GRIK4: variants seen among roughly 807,000 people sequenced by gnomAD.
GRIK4 encodes the protein glutamate receptor ionotropic, kainate 4.
A neutral mutation model predicts 104.9 loss-of-function variants in GRIK4; 40 were observed. That is an observed-to-expected ratio of 0.38 (90% CI 0.30 to 0.50). The LOEUF (loss-of-function observed/expected upper bound fraction) is 0.50, where lower values mean the gene tolerates loss of function less well. Ranked by LOEUF, GRIK4 falls within the 20% of genes least tolerant of loss-of-function variation. The pLI is 0.93. For synonymous variants in GRIK4, 485 were observed against 524.9 expected, an observed-to-expected ratio of 0.92 and a Z score of 1.04; for missense variants, 1,047 against 1,308.1, an observed-to-expected ratio of 0.80 and a Z score of 3.08.
At chr11:120,614,100 C>T (rs903966017) in intron 1 of GRIK4, among the ~76,000 whole-genome samples, 5 of 152,190 alleles carry the variant, frequency 3.3e-5, no homozygotes, top group Admixed American at 6.5e-5. Flanking sequence ...ACCTTCCCTG[C>T]AGGCAGTGAT....
intron 1 of GRIK4, among the ~76,000 whole-genome samples, chr11:120,564,114 C>G (rs1240546838): frequency 6.6e-6 from 1 of 152,176 alleles, no homozygotes; most frequent in Non-Finnish European, 1.5e-5. Flanking sequence ...AGGAAGGGCC[C>G]GGGCGCGCAG....
intron 1 of GRIK4, among the ~76,000 whole-genome samples, chr11:120,634,041 G>A (rs1371616080): frequency 6.6e-6 from 1 of 152,208 alleles, no homozygotes; most frequent in Non-Finnish European, 1.5e-5. Flanking sequence ...CTTATGAGCA[G>A]TGTAACGTTA....
intron 1 of GRIK4, among the ~76,000 whole-genome samples, chr11:120,648,284 C>T (rs561880238): frequency 2.0e-5 from 3 of 152,326 alleles, no homozygotes; most frequent in East Asian, 1.9e-4. Context: ...GGGCCCTAGA[C>T]GGGCTCTCTT....
At chr11:120,846,793 A>G (rs1215405052) in intron 8 of GRIK4, among the ~76,000 whole-genome samples, 1 of 152,176 alleles carries the variant, frequency 6.6e-6, no homozygotes, top group African/African-American at 2.4e-5. Context: ...TATTGAGTTT[A>G]TGGATTGGAT....
At chr11:120,595,577 C>A (rs1052070367) in intron 1 of GRIK4, among the ~76,000 whole-genome samples, 1 of 152,160 alleles carries the variant, frequency 6.6e-6, no homozygotes, top group African/African-American at 2.4e-5. Flanking sequence ...GCTTGATGAC[C>A]TCTCACAGTT....
At chr11:120,692,784 G>T (rs544808129) in intron 3 of GRIK4, among the ~76,000 whole-genome samples, 57 of 151,960 alleles carry the variant, frequency 3.8e-4, no homozygotes, top group Non-Finnish European at 7.4e-4. Flanking sequence ...CAGGCTGGAG[G>T]GCAGTGGTAT....
intron 1 of GRIK4, among the ~76,000 whole-genome samples, chr11:120,652,265 C>T (rs1256894487): frequency 6.6e-6 from 1 of 152,204 alleles, no homozygotes; most frequent in Non-Finnish European, 1.5e-5. Flanking sequence ...CCTTAGAGAT[C>T]ATCTAGTCTA....
At chr11:120,659,967 A>C (rs564422091) in intron 2 of GRIK4, among the ~76,000 whole-genome samples, 13 of 152,276 alleles carry the variant, frequency 8.5e-5, no homozygotes, top group African/African-American at 3.1e-4. Context: ...CCTGGCCTCA[A>C]GTGATCCACC....
In GRIK4 at chr11:120,834,585, G is replaced by A. The variant is rs542407039; in HGVS notation, c.691-2206G>A. On this transcript the variant is annotated intron_variant, in intron 7 of 20. Transcript: ENST00000527524. ...CTTCCCTCCAGGAGGGCACAACAGG[G>A]CCTCTCAGGGCCTCAGCAAGGATGG... Among the ~76,000 whole-genome samples the A allele has an allele frequency of 2.1e-5, 3 of 141,212 alleles. No individual in the cohort carries two copies. The East Asian group carries it at 6.9e-4, about 32-fold the overall frequency. 92.6% of individuals were successfully genotyped at this position (141,212 alleles called of 152,430 possible).
At chr11:120,585,569 C>T (rs1948651261) in intron 1 of GRIK4, among the ~76,000 whole-genome samples, 2 of 152,080 alleles carry the variant, frequency 1.3e-5, no homozygotes, top group African/African-American at 4.8e-5. Context: ...TTGATAAAGT[C>T]TAATTTATTA....
At chr11:120,608,452 C>G (rs1565571836) in intron 1 of GRIK4, among the ~76,000 whole-genome samples, 1 of 152,212 alleles carries the variant, frequency 6.6e-6, no homozygotes, top group Admixed American at 6.5e-5. Context: ...TGGCCACACT[C>G]TGTGTGTGTG....
At chr11:120,795,029 G>A (rs1952482902) in intron 3 of GRIK4, among the ~76,000 whole-genome samples, 1 of 152,080 alleles carries the variant, frequency 6.6e-6, no homozygotes, top group East Asian at 1.9e-4. Flanking sequence ...GGGTCAGCTG[G>A]GGAGCAGAGC....
chr11:120,973,054 G>A lies in GRIK4; in HGVS notation c.2395+5731G>A, dbSNP rs11218090. Among the ~76,000 whole-genome samples, 7 of 152,162 alleles carry A rather than the reference G, an allele frequency of 4.6e-5. No homozygotes were observed. The East Asian group carries it at 7.7e-4, about 17-fold the overall frequency. On this transcript the variant is annotated intron_variant, in intron 19 of 20. Transcript: ENST00000527524. The stretch of plus-strand genomic sequence containing the variant: ...CAACCGCAAACCTGAAATACATCCC[G>A]GGAAGAAGAGGGAATGGAGAAGACA...
chr11:120,617,408 C>T (rs73002644), intron 1 of GRIK4, among the ~76,000 whole-genome samples: 1 of 151,832 alleles, frequency 6.6e-6, no homozygotes. Flanking sequence ...GAGGCAGGAT[C>T]TAACTCTGTT....
intron 3 of GRIK4, among the ~76,000 whole-genome samples, chr11:120,746,389 AT>A (rs982178624): frequency 6.6e-6 from 1 of 152,104 alleles, no homozygotes; most frequent in African/African-American, 2.4e-5. Flanking sequence ...AGCTCTGCTG[AT>A]TTTTTAGATA....
At chr11:120,631,872 C>A (rs1364443175) in intron 1 of GRIK4, among the ~76,000 whole-genome samples, 2 of 152,154 alleles carry the variant, frequency 1.3e-5, no homozygotes, top group African/African-American at 2.4e-5. Context: ...GCTCCAGAGA[C>A]CCCCAGCCTT....
rs148486588 is a variant in GRIK4 at position 120,696,437 on chromosome 11, C to T, written c.82+36037C>T. On this transcript the variant is annotated intron_variant, in intron 3 of 20. Coordinates refer to ENST00000527524, the MANE Select transcript of GRIK4 (RefSeq NM_014619.5). Reference sequence around the variant, plus strand: ...GAGAGCTTCCTAGGGGAGGTGAAGTCTGAGCTATGTTTTGAGCAAAATGGT... The same window carrying T: ...GAGAGCTTCCTAGGGGAGGTGAAGTTTGAGCTATGTTTTGAGCAAAATGGT... Among the ~76,000 whole-genome samples, 1,119 of 141,420 alleles carry T rather than the reference C, an allele frequency of 7.9e-3. 8 individuals carry two copies. Among genetic ancestry groups the T allele is most frequent in the Middle Eastern group, 0.016 (4 of 244 alleles). 92.8% of individuals were successfully genotyped at this position (141,420 alleles called of 152,430 possible).
chr11:120,597,722 C>T (rs1948823953), intron 1 of GRIK4, among the ~76,000 whole-genome samples: 1 of 152,110 alleles, frequency 6.6e-6, no homozygotes, highest in African/African-American at 2.4e-5. Context: ...TTTCCTAATA[C>T]AGTGCAGCAT....
chr11:120,684,730 A>C (rs1390512654), intron 3 of GRIK4, among the ~76,000 whole-genome samples: 3 of 148,016 alleles, frequency 2.0e-5, no homozygotes, highest in Admixed American at 2.0e-4. Context: ...TTTTTTTTGG[A>C]GACGGAGTCT....
Sources: allele counts gnomAD v4.1 joint callset (sites outside exome capture counted in the v4.1 genomes callset), GRCh38; gene constraint gnomAD v4.1.1; transcripts MANE v1.5; gene names NCBI Gene and HGNC (gene_info 2026-07-23, HGNC 2026-07-21).